Variants in LGR6 observed in about 807,000 individuals in gnomAD.
LGR6 encodes leucine rich repeat containing G protein-coupled receptor 6, also known as leucine-rich repeat-containing G protein-coupled receptor 6.
LGR6 carries 45 observed loss-of-function variants against 69.4 expected under a neutral mutation model. That is an observed-to-expected ratio of 0.65 (90% CI 0.51 to 0.83). LGR6 has a LOEUF of 0.83. LGR6 is among the 40% of genes least tolerant of loss of function. The pLI is 0.00. For synonymous variants in LGR6, 538 were observed against 555.0 expected (o/e 0.97, Z 0.43); for missense variants, 1,108 against 1,246.7 (o/e 0.89, Z 1.68).
chr1:202,299,548 CT>C (rs1667425243), intron 7 of LGR6, among the ~76,000 whole-genome samples: 1 of 152,136 alleles, frequency 6.6e-6, no homozygotes, highest in Admixed American at 6.5e-5. Context: ...GAGAAAGCTG[CT>C]TGAGGACAGG....
intron 1 of LGR6, chr1:202,214,109 C>T (rs995634952): frequency 1.2e-5 from 17 of 1,425,788 alleles, no homozygotes; most frequent in East Asian, 3.0e-5. Flanking sequence ...CGGAGGGTGG[C>T]GGGCACTGGA....
At chr1:202,220,421 G>C (rs2147938381) in intron 1 of LGR6, among the ~76,000 whole-genome samples, 1 of 135,536 alleles carries the variant, frequency 7.4e-6, no homozygotes, top group Non-Finnish European at 1.6e-5. Flanking sequence ...ATTTCACCAT[G>C]TTGGCCAGAC....
At chr1:202,231,896 C>G (rs1661109123) in intron 3 of LGR6, among the ~76,000 whole-genome samples, 1 of 152,116 alleles carries the variant, frequency 6.6e-6, no homozygotes, top group Admixed American at 6.5e-5. Flanking sequence ...AGTTCGAGAC[C>G]AGTCTGGCCA....
At chr1:202,212,962 G>C (rs887359227) in intron 1 of LGR6, among the ~76,000 whole-genome samples, 1 of 152,116 alleles carries the variant, frequency 6.6e-6, no homozygotes, top group Non-Finnish European at 1.5e-5. Flanking sequence ...AGCCCTCCCT[G>C]ACCCACAGGT....
chr1:202,297,716 C>T, intron 7 of LGR6, 140 bp downstream of exon 7: 1 of 649,338 alleles, frequency 1.5e-6, no homozygotes. Context: ...ACCCTCCCGC[C>T]CCGGCTCCCC....
At chr1:202,276,617 C>G (rs1227609573) in intron 5 of LGR6, 96 bp downstream of exon 5, 2 of 1,026,898 alleles carry the variant, frequency 1.9e-6, no homozygotes, top group Non-Finnish European at 2.9e-6. Context: ...GCTAGCTTTG[C>G]TCTTCTTTGC....
At chr1:202,224,362 T>A (rs1390206859) in intron 1 of LGR6, among the ~76,000 whole-genome samples, 1 of 152,060 alleles carries the variant, frequency 6.6e-6, no homozygotes, top group East Asian at 1.9e-4. Flanking sequence ...TCAGATAATA[T>A]GAGCTTAAGA....
intron 4 of LGR6, among the ~76,000 whole-genome samples, chr1:202,267,116 A>G (rs944560430): frequency 1.3e-5 from 2 of 152,212 alleles, no homozygotes; most frequent in African/African-American, 4.8e-5. Context: ...TGCTGGCCAC[A>G]CTTCAAGAGC....
intron 16 of LGR6, 55 bp from the exon 17 acceptor site, chr1:202,314,747 G>A: frequency 7.9e-7 from 1 of 1,269,288 alleles, no homozygotes; most frequent in Non-Finnish European, 1.2e-6. Flanking sequence ...GAGAAAGGTA[G>A]GGCTTGACTG....
At chr1:202,222,962 G>A (rs1427240749) in intron 1 of LGR6, among the ~76,000 whole-genome samples, 11 of 152,142 alleles carry the variant, frequency 7.2e-5, no homozygotes, top group South Asian at 2.1e-4. Context: ...ATAGCCAGGC[G>A]TGGTGGCAGG....
intron 9 of LGR6, 70 bp from the exon 10 acceptor site, chr1:202,303,209 G>T: frequency 1.7e-6 from 2 of 1,175,320 alleles, no homozygotes. Context: ...GAGACAAAAT[G>T]GAGAATTGAG....
rs1659434973 is a variant in LGR6 at position 202,210,828 on chromosome 1, A to G, written c.213-14595A>G. ...CCCCTAGGCTTGGATAGAGGACTCT[A>G]GCAACTTGAGGCTGTGGGTTCTTGA... On this transcript the variant is annotated intron_variant, in intron 1 of 17. Coordinates refer to ENST00000367278, the MANE Select transcript of LGR6 (RefSeq NM_001017403.2). The G allele has an allele frequency of 1.3e-5, 2 of 152,234 alleles. 1 individual carries two copies. Among genetic ancestry groups the G allele is most frequent in the South Asian group, 4.1e-4 (2 of 4,834 alleles). The allele number at this position is 152,234 out of a possible 1,614,324, so 9.4% of individuals were successfully genotyped here. A position where few individuals can be genotyped will look rare whatever the true frequency, so the allele number is the denominator to read the frequency against.
intron 15 of LGR6, among the ~76,000 whole-genome samples, chr1:202,309,770 A>C (rs1379814456): frequency 6.6e-6 from 1 of 152,236 alleles, no homozygotes; most frequent in East Asian, 1.9e-4. Context: ...TGCAGGTCTC[A>C]CTGAGGGCCA....
At chr1:202,201,848 G>A (rs976148635) in intron 1 of LGR6, among the ~76,000 whole-genome samples, 1 of 152,192 alleles carries the variant, frequency 6.6e-6, no homozygotes, top group Admixed American at 6.5e-5. Context: ...CTCTGGGGAG[G>A]GTAAGACGGA....
chr1:202,226,083 C>G (rs954185616), intron 2 of LGR6, among the ~76,000 whole-genome samples: 1 of 152,206 alleles, frequency 6.6e-6, no homozygotes, highest in East Asian at 1.9e-4. Flanking sequence ...CAAAGTACTC[C>G]CTGGTGAATC....
intron 16 of LGR6, among the ~76,000 whole-genome samples, chr1:202,313,514 G>C (rs1653907619): frequency 6.6e-6 from 1 of 151,954 alleles, no homozygotes; most frequent in Non-Finnish European, 1.5e-5. Context: ...GTCTATTGCT[G>C]TGAGGCTGCA....
intron 4 of LGR6, among the ~76,000 whole-genome samples, chr1:202,271,676 C>T (rs2148143350): frequency 6.6e-6 from 1 of 152,172 alleles, no homozygotes; most frequent in South Asian, 2.1e-4. Context: ...GGCTTGGTGG[C>T]AGGTGCCTGC....
At chr1:202,215,574 T>C (rs372133929) in intron 1 of LGR6, among the ~76,000 whole-genome samples, 1 of 152,092 alleles carries the variant, frequency 6.6e-6, no homozygotes, top group Non-Finnish European at 1.5e-5. Context: ...AGACCAGGCT[T>C]AGCAGGATTG....
At chr1:202,307,052 G>A (rs1479595277) in intron 13 of LGR6, 113 bp downstream of exon 13, 12 of 915,934 alleles carry the variant, frequency 1.3e-5, no homozygotes, top group South Asian at 2.9e-5. Context: ...CATGCACATC[G>A]CCTCCCAGCT....
Sources: allele counts gnomAD v4.1 joint callset (sites outside exome capture counted in the v4.1 genomes callset), GRCh38; gene constraint gnomAD v4.1.1; transcripts MANE v1.5; gene names NCBI Gene and HGNC (gene_info 2026-07-23, HGNC 2026-07-21).